The following HIVEP3 variants were observed in gnomAD, a reference collection of about 807,000 sequenced individuals.
HIVEP3 encodes HIVEP zinc finger 3, also known as transcription factor HIVEP3.
Under a neutral mutation model 152.8 loss-of-function variants are expected in HIVEP3, and 49 were observed. That is an observed-to-expected ratio of 0.32 (90% CI 0.26 to 0.41). HIVEP3 has a LOEUF of 0.41. HIVEP3 is among the 10% of genes least tolerant of loss of function. The probability of loss-of-function intolerance (pLI) is 1.00; values close to 1 mark genes in which losing one functional copy is unlikely to be tolerated. For synonymous variants in HIVEP3, 1,269 were observed against 1,289.0 expected (o/e 0.98, Z 0.33); for missense variants, 2,790 against 3,103.3 (o/e 0.90, Z 2.40).
At chr1:41,635,754 C>T (rs990792027) in intron 2 of HIVEP3, among the ~76,000 whole-genome samples, 5 of 151,314 alleles carry the variant, frequency 3.3e-5, no homozygotes, top group Admixed American at 2.6e-4. Context: ...TAGGCAAAGT[C>T]GCAAATAATC....
intron 1 of HIVEP3, among the ~76,000 whole-genome samples, chr1:41,909,076 G>A (rs1220129821): frequency 1.3e-5 from 2 of 152,180 alleles, no homozygotes; most frequent in African/African-American, 4.8e-5. Context: ...AGACAAGACA[G>A]TAGATTTTAG....
At chr1:41,795,553 G>A (rs1486852600) in intron 1 of HIVEP3, among the ~76,000 whole-genome samples, 1 of 152,138 alleles carries the variant, frequency 6.6e-6, no homozygotes, top group Non-Finnish European at 1.5e-5. Context: ...ACACTCCAGC[G>A]GAGGGAATTT....
chr1:41,864,548 G>A (rs909478957), intron 1 of HIVEP3: 1 of 152,204 alleles, frequency 6.6e-6, no homozygotes. Context: ...CCGGGCACTG[G>A]AACATGTGTA....
chr1:41,892,874 C>T (rs1412367463), intron 1 of HIVEP3, among the ~76,000 whole-genome samples: 1 of 152,052 alleles, frequency 6.6e-6, no homozygotes, highest in Non-Finnish European at 1.5e-5. Context: ...AATCCCAGAA[C>T]TTTGGGAGGT....
chr1:41,845,883 A>G (rs1456715332), intron 1 of HIVEP3, among the ~76,000 whole-genome samples: 1 of 152,156 alleles, frequency 6.6e-6, no homozygotes, highest in African/African-American at 2.4e-5. Context: ...CCTGGCCAAC[A>G]TGGTGAAACC....
intron 2 of HIVEP3, among the ~76,000 whole-genome samples, chr1:41,669,510 C>T (rs919022678): frequency 9.2e-5 from 14 of 152,152 alleles, no homozygotes; most frequent in African/African-American, 3.4e-4. Flanking sequence ...AGCAGATTAC[C>T]CTCCCTAACA....
At chr1:41,558,855 C>A (rs139136278) in intron 5 of HIVEP3, among the ~76,000 whole-genome samples, 1 of 152,340 alleles carries the variant, frequency 6.6e-6, no homozygotes, top group East Asian at 1.9e-4. Context: ...CCTGGCTTCT[C>A]CCTGGCTGCC....
At chr1:41,641,476 C>G (rs1887248) in intron 2 of HIVEP3, among the ~76,000 whole-genome samples, 3,612 of 152,324 alleles carry the variant, frequency 0.024, 152 homozygotes, top group African/African-American at 0.083. Context: ...TCCACCAGTT[C>G]AGAGATTCAG....
chr1:41,958,215 G>A lies in HIVEP3; in HGVS notation n.120-39691C>T, dbSNP rs141177120. ...CTTGCCATTTGGGCCACGTGACCAG[G>A]CACATCTCAAGGCACTAATGGCAGC... On this transcript the variant is annotated intron_variant and non_coding_transcript_variant, in intron 1 of 3. Coordinates refer to the HIVEP3 transcript ENST00000489103. Among the ~76,000 whole-genome samples, 10 of 152,352 alleles carry A rather than the reference G, an allele frequency of 6.6e-5. No homozygotes were observed. The East Asian group carries it at 1.9e-3, about 29-fold the overall frequency.
intron 1 of HIVEP3, among the ~76,000 whole-genome samples, chr1:41,950,418 T>C (rs1241022023): frequency 1.3e-5 from 2 of 152,236 alleles, no homozygotes; most frequent in East Asian, 1.9e-4. Flanking sequence ...GGGAACACTT[T>C]GCACCTTGGG....
chr1:41,759,131 G>A (rs1420946633), intron 1 of HIVEP3, among the ~76,000 whole-genome samples: 10 of 150,614 alleles, frequency 6.6e-5, no homozygotes, highest in Non-Finnish European at 4.4e-5. Flanking sequence ...GCAACCACCA[G>A]TCTGCTTTCT....
At chr1:41,895,345 T>C (rs971240715) in intron 1 of HIVEP3, among the ~76,000 whole-genome samples, 1 of 152,210 alleles carries the variant, frequency 6.6e-6, no homozygotes, top group African/African-American at 2.4e-5. Context: ...CCACGTGGTC[T>C]GGCCCCAGCC....
chr1:41,857,582 C>T (rs139166501), intron 1 of HIVEP3, among the ~76,000 whole-genome samples: 1 of 152,138 alleles, frequency 6.6e-6, no homozygotes, highest in African/African-American at 2.4e-5. Context: ...GGGGTTTTCT[C>T]CTTAAACAGA....
At chr1:41,518,578 G>C in intron 6 of HIVEP3, 90 bp from the exon 7 acceptor site, 1 of 1,262,776 alleles carries the variant, frequency 7.9e-7, no homozygotes, top group Non-Finnish European at 1.2e-6. Context: ...TGGCCGGCAG[G>C]CCATGGTTTC....
chr1:41,996,401 AAG>A (rs386366795), intron 1 of HIVEP3, among the ~76,000 whole-genome samples: 4 of 151,178 alleles, frequency 2.6e-5, no homozygotes, highest in African/African-American at 9.7e-5. Flanking sequence ...AAAAAAAAAA[AAG>A]AGAGAGAGAG....
chr1:41,657,200 G>A (rs752214622), intron 2 of HIVEP3, among the ~76,000 whole-genome samples: 1 of 152,202 alleles, frequency 6.6e-6, no homozygotes, highest in Non-Finnish European at 1.5e-5. Context: ...CCCACAAGCC[G>A]GGTGTTTACA....
intron 1 of HIVEP3, among the ~76,000 whole-genome samples, chr1:41,791,193 G>A (rs1285827860): frequency 6.6e-6 from 1 of 150,948 alleles, no homozygotes; most frequent in Non-Finnish European, 1.5e-5. Context: ...AGTCAGGTCC[G>A]CTCACTGTTC....
In HIVEP3 at chr1:41,513,678, G is replaced by A. The variant is rs770429696; in HGVS notation, c.5543C>T (p.Ser1848Leu). ...GTCTGAGTCCGAGTCCTCCAGGTCC[G>A]AAAACTGGTGCTCCTCCACAGCCTC... ...GSEAVEEHQF[S>L]DLEDSDSDSD... Residue 1848 changes from serine (S) to leucine (L), a missense_variant, in exon 8 of 9, where the codon TCG (serine) becomes TTG (leucine). Transcript: ENST00000372583. 57 of 1,611,980 alleles carry A rather than the reference G, an allele frequency of 3.5e-5. No individual in the cohort carries two copies. Among genetic ancestry groups the A allele is most frequent in the African/African-American group, 4.0e-5 (3 of 75,000 alleles).
At chr1:41,920,141 C>T (rs1452179117), upstream of HIVEP3, among the ~76,000 whole-genome samples, 1 of 152,234 alleles carries the variant, frequency 6.6e-6, no homozygotes, top group Non-Finnish European at 1.5e-5. Flanking sequence ...TTCCCCTCTT[C>T]CAGGGCCCTT....
Sources: gnomAD v4.1 joint callset for allele counts (sites outside exome capture counted in the v4.1 genomes callset) on GRCh38, gnomAD v4.1.1 for gene constraint, MANE v1.5 for transcripts, NCBI Gene and HGNC (gene_info 2026-07-23, HGNC 2026-07-21) for gene names.